Variants in TENM3 observed in about 807,000 individuals in gnomAD.
TENM3 encodes teneurin transmembrane protein 3, also known as teneurin-3.
A neutral mutation model predicts 255.1 loss-of-function variants in TENM3; 63 were observed. The ratio of observed to expected loss-of-function variants is 0.25; its 90% CI spans 0.20 to 0.30. The LOEUF is 0.30. Among genes scored for constraint, TENM3 ranks in the 10% least tolerant of loss-of-function variants. The pLI is 1.00. For synonymous variants in TENM3, 1,306 were observed against 1,322.3 expected (o/e 0.99, Z 0.27); for missense variants, 2,929 against 3,461.1 (o/e 0.85, Z 3.86).
chr4:182,052,010 C>T, the TENM3 span, among the ~76,000 whole-genome samples: 8 of 151,980 alleles, frequency 5.3e-5, no homozygotes, highest in East Asian at 1.9e-4. Flanking sequence ...CCCTTGTCAC[C>T]GCCTGGGGAG....
chr4:182,640,340 G>A (rs915437847), intron 5 of TENM3, among the ~76,000 whole-genome samples: 2 of 152,172 alleles, frequency 1.3e-5, no homozygotes, highest in African/African-American at 4.8e-5. Flanking sequence ...TGAAAATGCT[G>A]TGGGGCTTTT....
the TENM3 span, among the ~76,000 whole-genome samples, chr4:181,675,922 A>G: frequency 6.6e-6 from 1 of 152,134 alleles, no homozygotes; most frequent in South Asian, 2.1e-4. Flanking sequence ...ATATGGAAAT[A>G]TTTTATGCAA....
chr4:182,457,409 G>T (rs1773964552), intron 3 of TENM3, among the ~76,000 whole-genome samples: 1 of 151,870 alleles, frequency 6.6e-6, no homozygotes, highest in South Asian at 2.1e-4. Flanking sequence ...CATTATATAT[G>T]ATTTCATCTC....
chr4:181,893,251 A>G, the TENM3 span, among the ~76,000 whole-genome samples: 2 of 152,202 alleles, frequency 1.3e-5, no homozygotes, highest in Non-Finnish European at 2.9e-5. Flanking sequence ...ATTAATGTCT[A>G]CATTCTCATG....
chr4:181,885,583 T>C, the TENM3 span, among the ~76,000 whole-genome samples: 1 of 152,224 alleles, frequency 6.6e-6, no homozygotes, highest in African/African-American at 2.4e-5. Context: ...TTTAAGACCA[T>C]TGACTAGAAT....
intron 3 of TENM3, among the ~76,000 whole-genome samples, chr4:182,541,992 G>A (rs1225570328): frequency 6.6e-6 from 1 of 152,110 alleles, no homozygotes; most frequent in Non-Finnish European, 1.5e-5. Context: ...GAGCCCAGGA[G>A]TTTGAGGCCT....
the TENM3 span, among the ~76,000 whole-genome samples, chr4:181,662,699 A>G: frequency 6.6e-6 from 1 of 152,228 alleles, no homozygotes; most frequent in South Asian, 2.1e-4. Context: ...GCATAATGAA[A>G]GGGCTGAAGT....
At chr4:181,784,264 T>G in the TENM3 span, among the ~76,000 whole-genome samples, 1 of 152,056 alleles carries the variant, frequency 6.6e-6, no homozygotes. Flanking sequence ...TTTATTTGAA[T>G]CACATATGAG....
the TENM3 span, among the ~76,000 whole-genome samples, chr4:181,741,029 G>A: frequency 6.6e-6 from 1 of 152,228 alleles, no homozygotes; most frequent in South Asian, 2.1e-4. Context: ...TGATGATCTC[G>A]TAAAAAAATA....
intron 3 of TENM3, among the ~76,000 whole-genome samples, chr4:182,534,200 T>G (rs1244416817): frequency 6.6e-6 from 1 of 152,130 alleles, no homozygotes; most frequent in Non-Finnish European, 1.5e-5. Flanking sequence ...CAGAGGAACA[T>G]GCCCAGCTAC....
chr4:181,667,723 T>G, the TENM3 span, among the ~76,000 whole-genome samples: 3 of 152,156 alleles, frequency 2.0e-5, no homozygotes, highest in African/African-American at 7.2e-5. Context: ...GCCAATACAT[T>G]TATTTTCATT....
At chr4:182,695,507 T>A (rs1757334180) in intron 12 of TENM3, among the ~76,000 whole-genome samples, 1 of 152,098 alleles carries the variant, frequency 6.6e-6, no homozygotes, top group South Asian at 2.1e-4. Context: ...GGGGGTACAT[T>A]TAGTTTAGAT....
chr4:182,615,193 CTG>C (rs1749385892), intron 4 of TENM3, among the ~76,000 whole-genome samples: 2 of 151,332 alleles, frequency 1.3e-5, no homozygotes, highest in Non-Finnish European at 2.9e-5. Context: ...AGAAGAATCT[CTG>C]GTAGTAGGTA....
chr4:181,905,665 T>TTATTC, the TENM3 span: 96,180 of 169,248 alleles, frequency 0.57, 27,691 homozygotes, highest in East Asian at 0.68. Flanking sequence ...ACTATTTATT[T>TTATTC]ATTTATTCAT....
chr4:181,891,501 T>G, the TENM3 span, among the ~76,000 whole-genome samples: 3 of 152,160 alleles, frequency 2.0e-5, no homozygotes, highest in Non-Finnish European at 4.4e-5. Context: ...AATACCTTTC[T>G]TATTTTCTCT....
At chr4:182,023,443 TCTC>T in the TENM3 span, among the ~76,000 whole-genome samples, 1 of 152,198 alleles carries the variant, frequency 6.6e-6, no homozygotes, top group African/African-American at 2.4e-5. Context: ...GGTTTTTTCC[TCTC>T]CTCCTGGAAC....
chr4:182,789,353 T>C lies in TENM3; in HGVS notation c.5565T>C (p.Ala1855=). Residue 1855 remains alanine, a synonymous_variant, in exon 25 of 28, where the codon GCT becomes GCC. Transcript: ENST00000511685. This position sits in a 1 kb window ranked among gnomAD's most constrained non-coding sequence, Gnocchi z 4.4. The part of the protein sequence containing the change: ...GQGRIVSRVF[A]DGKTWSYTYL... ...GGAGGATCGTGTCTCGGGTCTTTGCTGATGGTAAAACATGGAGTTACACAT... is the reference window on the plus strand; with the variant it reads ...GGAGGATCGTGTCTCGGGTCTTTGCCGATGGTAAAACATGGAGTTACACAT... 1 of 1,613,702 alleles carries C rather than the reference T, an allele frequency of 6.2e-7. No individual in the cohort carries two copies. The highest frequency in any genetic ancestry group is 8.5e-7 in the Non-Finnish European group (1 of 1,179,776).
chr4:182,282,971 C>T (rs1760490098), intron 1 of TENM3, among the ~76,000 whole-genome samples: 1 of 149,882 alleles, frequency 6.7e-6, no homozygotes, highest in Admixed American at 6.6e-5. Context: ...ATTTTATGAA[C>T]TATTATTTTA....
the TENM3 span, among the ~76,000 whole-genome samples, chr4:181,793,507 C>G: frequency 6.6e-6 from 1 of 152,184 alleles, no homozygotes; most frequent in Non-Finnish European, 1.5e-5. Flanking sequence ...CTAAATGTCT[C>G]TTCCTGATAA....
Sources: allele counts gnomAD v4.1 joint callset (sites outside exome capture counted in the v4.1 genomes callset), GRCh38; gene constraint gnomAD v4.1.1; non-coding constraint Gnocchi (gnomAD v3.1); transcripts MANE v1.5; gene names NCBI Gene and HGNC (gene_info 2026-07-23, HGNC 2026-07-21).